TUSC3: variants seen among roughly 807,000 people sequenced by gnomAD.
The protein encoded by TUSC3 is tumor suppressor candidate 3.
A neutral mutation model predicts 44.8 loss-of-function variants in TUSC3; 45 were observed. That is an observed-to-expected ratio of 1.00 (90% CI 0.79 to 1.29). The LOEUF (loss-of-function observed/expected upper bound fraction) is 1.29, where lower values mean the gene tolerates loss of function less well. Ranked by LOEUF, TUSC3 falls within the 50% of genes most tolerant of loss-of-function variation. The pLI is 0.00. For missense variants in TUSC3, 519 were observed against 437.9 expected (o/e 1.19, Z -1.65); for synonymous variants, 212 against 152.9 (o/e 1.39, Z -2.85).
Position 15,561,457 on chromosome 8 carries a change from G to A in TUSC3, c.138+20889G>A, listed in dbSNP as rs960506305. ...CTGCAGAGGTTACTGCTGTCCTTTT[G>A]TTTGTCTGTGCCCTGCCCCCAGAGG... On this transcript the variant is annotated intron_variant, in intron 1 of 10. Transcript: ENST00000503731. 3.9e-4 allele frequency among the ~76,000 whole-genome samples: 55 copies of A among 141,804 alleles called. 1 individual carries two copies. Among genetic ancestry groups the A allele is most frequent in the African/African-American group, 6.7e-4 (26 of 38,896 alleles). 93.0% of individuals were successfully genotyped at this position (141,804 alleles called of 152,430 possible).
intron 9 of TUSC3, among the ~76,000 whole-genome samples, chr8:15,749,738 T>C (rs538616261): frequency 7.7e-4 from 116 of 150,738 alleles, no homozygotes; most frequent in African/African-American, 2.7e-3. Flanking sequence ...TGAAGTTTTT[T>C]TTTTTTTTCT....
intron 1 of TUSC3, among the ~76,000 whole-genome samples, chr8:15,577,134 C>G: frequency 6.7e-6 from 1 of 148,598 alleles, no homozygotes; most frequent in Middle Eastern, 3.3e-3. Flanking sequence ...CTGTTCATGT[C>G]CTTTGCCCAC....
At chr8:15,851,123 G>A in the TUSC3 span, among the ~76,000 whole-genome samples, 11 of 152,310 alleles carry the variant, frequency 7.2e-5, no homozygotes, top group East Asian at 2.1e-3. Context: ...CAACATTAAT[G>A]ATCTAAAAAT....
rs560773041 is a variant in TUSC3 at position 15,566,606 on chromosome 8, T to G, written c.138+26038T>G. On this transcript the variant is annotated intron_variant, in intron 1 of 10. Transcript: ENST00000503731. ...TCCGACTTCACAGAAGACACATTTTTTTGTTGTTGTTGTTGTTGTTGTTTT... is the reference window on the plus strand; with the variant it reads ...TCCGACTTCACAGAAGACACATTTTGTTGTTGTTGTTGTTGTTGTTGTTTT... Among the ~76,000 whole-genome samples, 76 of 143,820 alleles carry G rather than the reference T, an allele frequency of 5.3e-4. 1 individual carries two copies. The highest frequency in any genetic ancestry group is 3.9e-3 in the Middle Eastern group (1 of 258). 94.4% of individuals were successfully genotyped at this position (143,820 alleles called of 152,430 possible).
Position 15,673,816 on chromosome 8 carries a change from A to C in TUSC3, c.778A>C (p.Asn260His). 3 of 1,612,686 alleles carry C rather than the reference A, an allele frequency of 1.9e-6. No homozygotes were observed. The highest frequency in any genetic ancestry group is 2.5e-6 in the Non-Finnish European group (3 of 1,179,008). The change falls in exon 6 of 11, where the codon AAC becomes CAC. Residue 260 changes from asparagine (N) to histidine (H), a missense_variant. Transcript: ENST00000503731. ...CCGTGGACCTCCATATGCTCATAAG[A>C]ACCCACACAATGGACAAGTGGTAAG... ...HIRGPPYAHKNPHNGQVSYIH... is the reference protein window; with the variant it reads ...HIRGPPYAHKHPHNGQVSYIH...
intron 1 of TUSC3, among the ~76,000 whole-genome samples, chr8:15,478,488 T>C (rs1800613109): frequency 6.6e-6 from 1 of 152,172 alleles, no homozygotes; most frequent in African/African-American, 2.4e-5. Context: ...TCATGTGTTC[T>C]CATTGTTGAA....
intron 8 of TUSC3, among the ~76,000 whole-genome samples, chr8:15,745,268 A>G (rs1330666995): frequency 6.6e-6 from 1 of 152,124 alleles, no homozygotes; most frequent in Non-Finnish European, 1.5e-5. Context: ...TGTAGTAAAC[A>G]TAAGAGTGCA....
At chr8:15,496,686 TG>T (rs555638482) in intron 2 of TUSC3, among the ~76,000 whole-genome samples, 55 of 152,286 alleles carry the variant, frequency 3.6e-4, no homozygotes, top group African/African-American at 1.3e-3. Flanking sequence ...TATGCTGTCT[TG>T]GATGGAAGAA....
At chr8:15,586,550 CCCA>C (rs1252858261) in intron 1 of TUSC3, among the ~76,000 whole-genome samples, 2 of 152,070 alleles carry the variant, frequency 1.3e-5, no homozygotes, top group African/African-American at 4.8e-5. Context: ...TTACCTCAGG[CCCA>C]GCCAGGACAC....
intron 1 of TUSC3, among the ~76,000 whole-genome samples, chr8:15,543,125 A>G (rs1037135743): frequency 6.6e-6 from 1 of 152,226 alleles, no homozygotes; most frequent in Non-Finnish European, 1.5e-5. Context: ...GGTTATTTTG[A>G]CAGTATGTGG....
At chr8:15,438,996 G>A (rs151099927) in intron 1 of TUSC3, among the ~76,000 whole-genome samples, 3 of 152,260 alleles carry the variant, frequency 2.0e-5, no homozygotes, top group Admixed American at 6.5e-5. Context: ...GGCGTTGGTC[G>A]AGGCAATCTA....
At chr8:15,508,845 C>T (rs372112486) in intron 2 of TUSC3, among the ~76,000 whole-genome samples, 1 of 152,320 alleles carries the variant, frequency 6.6e-6, no homozygotes, top group Non-Finnish European at 1.5e-5. Context: ...GCTTACTCTG[C>T]TACTCACTCT....
At chr8:15,539,239 G>T (rs181201542), upstream of TUSC3, among the ~76,000 whole-genome samples, 1 of 151,544 alleles carries the variant, frequency 6.6e-6, no homozygotes, top group Non-Finnish European at 1.5e-5. Context: ...AGGTGTTCAT[G>T]GCACAAGTGA....
intron 6 of TUSC3, among the ~76,000 whole-genome samples, chr8:15,674,584 C>T (rs1397280823): frequency 6.6e-6 from 1 of 151,856 alleles, no homozygotes; most frequent in Non-Finnish European, 1.5e-5. Context: ...CATCTCATAA[C>T]TATTCTTGTT....
chr8:15,513,817 C>T (rs1181604921), intron 2 of TUSC3, among the ~76,000 whole-genome samples: 1 of 152,186 alleles, frequency 6.6e-6, no homozygotes, highest in Non-Finnish European at 1.5e-5. Flanking sequence ...TTATATCTCA[C>T]CAGAGTCAAT....
chr8:15,817,461 T>C, the TUSC3 span, among the ~76,000 whole-genome samples: 1 of 152,186 alleles, frequency 6.6e-6, no homozygotes, highest in Non-Finnish European at 1.5e-5. Context: ...AATCTCATCC[T>C]GAATTGTAGT....
rs758874684 is a variant in TUSC3, at chr8:15,703,595, G to T, written c.799-27071G>T. Among the ~76,000 whole-genome samples the T allele has an allele frequency of 1.9e-4, 29 of 152,128 alleles. No individual in the cohort carries two copies. The South Asian group carries it at 2.7e-3, about 14-fold the overall frequency. On this transcript the variant is annotated intron_variant, in intron 6 of 10. Coordinates refer to ENST00000503731, the MANE Select transcript of TUSC3 (RefSeq NM_006765.4). ...ATTCTGCAGGCAGTACAAGAAGCATGGCGCCAGCATCTGCTTCTGGTGAGT... is the reference window on the plus strand; with the variant it reads ...ATTCTGCAGGCAGTACAAGAAGCATTGCGCCAGCATCTGCTTCTGGTGAGT...
chr8:15,679,748 A>G (rs1285224801), intron 6 of TUSC3, among the ~76,000 whole-genome samples: 1 of 152,126 alleles, frequency 6.6e-6, no homozygotes, highest in East Asian at 1.9e-4. Flanking sequence ...TCTTTAATCC[A>G]TCTTGAGTTA....
chr8:15,710,960 G>T (rs1809819427), intron 6 of TUSC3, among the ~76,000 whole-genome samples: 1 of 151,040 alleles, frequency 6.6e-6, no homozygotes, highest in African/African-American at 2.4e-5. Context: ...ACTTAACTTT[G>T]CAGTCAGTTA....
Sources: gnomAD v4.1 joint callset for allele counts (sites outside exome capture counted in the v4.1 genomes callset) on GRCh38, gnomAD v4.1.1 for gene constraint, MANE v1.5 for transcripts, NCBI Gene and HGNC (gene_info 2026-07-23, HGNC 2026-07-21) for gene names.